The following ARID1B variants were observed in gnomAD, a reference collection of about 807,000 sequenced individuals.
ARID1B encodes the protein AT-rich interaction domain 1B.
A neutral mutation model predicts 212.3 loss-of-function variants in ARID1B; 30 were observed. That is an observed-to-expected ratio of 0.14 (90% CI 0.11 to 0.19). ARID1B has a LOEUF of 0.19. ARID1B is among the 10% of genes least tolerant of loss of function. The probability of loss-of-function intolerance (pLI) is 1.00; values close to 1 mark genes in which losing one functional copy is unlikely to be tolerated. For synonymous variants in ARID1B, 1,402 were observed against 1,301.7 expected, an observed-to-expected ratio of 1.08 and a Z score of -1.66; for missense variants, 2,891 against 3,204.0, an observed-to-expected ratio of 0.90 and a Z score of 2.36.
intron 4 of ARID1B, among the ~76,000 whole-genome samples, chr6:157,076,822 G>C (rs561974590): frequency 3.0e-4 from 46 of 152,310 alleles, no homozygotes; most frequent in Non-Finnish European, 6.2e-4. Flanking sequence ...ACCTGGCAAT[G>C]ATGTTTGGGA....
chr6:157,086,629 T>C (rs1296739770), intron 5 of ARID1B, among the ~76,000 whole-genome samples: 1 of 152,262 alleles, frequency 6.6e-6, no homozygotes, highest in African/African-American at 2.4e-5. Context: ...CTGAAGACTT[T>C]CCACATGTCT....
chr6:157,071,012 G>A (rs1328955761), intron 4 of ARID1B, among the ~76,000 whole-genome samples: 1 of 152,210 alleles, frequency 6.6e-6, no homozygotes, highest in Non-Finnish European at 1.5e-5. Flanking sequence ...GCAGCTCGGA[G>A]CAGATTGCTG....
intron 4 of ARID1B, among the ~76,000 whole-genome samples, chr6:156,992,989 A>G (rs930183802): frequency 6.6e-6 from 1 of 151,858 alleles, no homozygotes; most frequent in Non-Finnish European, 1.5e-5. Flanking sequence ...TTCTGTAGGG[A>G]GCTGAATGTT....
At chr6:156,811,862 C>T (rs1781573952) in intron 1 of ARID1B, among the ~76,000 whole-genome samples, 1 of 152,160 alleles carries the variant, frequency 6.6e-6, no homozygotes, top group South Asian at 2.1e-4. Context: ...CTGCTTATCT[C>T]AAGGGATATC....
chr6:157,171,311 C>G (rs572753411), intron 9 of ARID1B, among the ~76,000 whole-genome samples: 61 of 152,310 alleles, frequency 4.0e-4, no homozygotes, highest in African/African-American at 1.3e-3. Flanking sequence ...TTTACTGCCC[C>G]TTTTTATGTC....
intron 1 of ARID1B, among the ~76,000 whole-genome samples, chr6:156,794,043 T>A (rs1435349516): frequency 1.3e-5 from 2 of 152,182 alleles, no homozygotes; most frequent in Non-Finnish European, 2.9e-5. Flanking sequence ...TCCACTAAAC[T>A]AGTGGTTTTC....
intron 19 of ARID1B, chr6:157,205,871 A>C: frequency 3.0e-6 from 1 of 334,616 alleles, no homozygotes; most frequent in Non-Finnish European, 5.6e-6. Flanking sequence ...GCACTCCCTC[A>C]GTGATAAGAT....
At chr6:156,800,460 G>T (rs1780695570) in intron 1 of ARID1B, among the ~76,000 whole-genome samples, 1 of 152,028 alleles carries the variant, frequency 6.6e-6, no homozygotes, top group Non-Finnish European at 1.5e-5. Context: ...TTGGTGGCAG[G>T]CACCTGTAAT....
At position 157,154,566 on chromosome 6, in the gene ARID1B, CTGTTTTTTTTTT is replaced by C. The variant is rs1275632394; in HGVS notation, c.3089+5629_3089+5640del. Among the ~76,000 whole-genome samples the C allele has an allele frequency of 3.2e-3, 428 of 135,182 alleles. 3 individuals carry two copies. Among genetic ancestry groups the C allele is most frequent in the Non-Finnish European group, 5.3e-3 (341 of 64,754 alleles). 88.7% of individuals were successfully genotyped at this position (135,182 alleles called of 152,430 possible). On this transcript the variant is annotated intron_variant, in intron 8 of 19. Coordinates refer to ENST00000636930, the MANE Select transcript of ARID1B (RefSeq NM_001374828.1). ...CTGGTCCTGTTGTTGTTCTGCTCTT[CTGTTTTTTTTTT>C]TGTTTTTTTTTTTTTTTTTTGAGTT...
At chr6:156,890,716 T>C (rs1787860506) in intron 2 of ARID1B, among the ~76,000 whole-genome samples, 1 of 152,356 alleles carries the variant, frequency 6.6e-6, no homozygotes, top group South Asian at 2.1e-4. Context: ...TGCCAACTTC[T>C]TTCTCATCCC....
At chr6:157,033,624 T>C (rs1781144399) in intron 4 of ARID1B, among the ~76,000 whole-genome samples, 1 of 152,150 alleles carries the variant, frequency 6.6e-6, no homozygotes, top group Non-Finnish European at 1.5e-5. Flanking sequence ...TTATTTTTGG[T>C]GGAGGTGGGC....
Position 156,777,379 on chromosome 6 carries a change from A to T in ARID1B, c.-302A>T, listed in dbSNP as rs1778684973. 6.6e-6 allele frequency: 1 copy of T among 151,482 alleles called. No individual in the cohort carries two copies. The highest frequency in any genetic ancestry group is 2.1e-4 in the South Asian group (1 of 4,834). The allele number at this position is 151,482 out of a possible 1,614,324, so 9.4% of individuals were successfully genotyped here. A position where few individuals can be genotyped will look rare whatever the true frequency, so the allele number is the denominator to read the frequency against. Reference sequence around the variant, plus strand: ...GCTCGAGCTCGCCCGCTGCCTCTCAAGCCATGCTGGGCCCGATAGGCTCAG... The same window carrying T: ...GCTCGAGCTCGCCCGCTGCCTCTCATGCCATGCTGGGCCCGATAGGCTCAG... On this transcript the variant is annotated 5_prime_UTR_variant, in exon 1 of 20. The change creates a new upstream start codon in the 5' untranslated region. Transcript: ENST00000636930.
intron 4 of ARID1B, among the ~76,000 whole-genome samples, chr6:156,974,385 C>T (rs1347025714): frequency 1.3e-5 from 2 of 152,100 alleles, no homozygotes; most frequent in African/African-American, 4.8e-5. Context: ...ATTTAAAACA[C>T]ATTGAATGAT....
chr6:157,037,194 G>A (rs558000305), intron 4 of ARID1B, among the ~76,000 whole-genome samples: 2 of 152,344 alleles, frequency 1.3e-5, no homozygotes, highest in South Asian at 4.1e-4. Context: ...CTACTGAAAT[G>A]TAAGATGTTA....
intron 3 of ARID1B, among the ~76,000 whole-genome samples, chr6:156,906,063 A>G (rs1789349796): frequency 6.6e-6 from 1 of 152,158 alleles, no homozygotes; most frequent in African/African-American, 2.4e-5. Flanking sequence ...GAGGAGCCCC[A>G]GGAGCACTGT....
intron 4 of ARID1B, among the ~76,000 whole-genome samples, chr6:156,958,741 T>C (rs1187906085): frequency 6.6e-6 from 1 of 151,044 alleles, no homozygotes; most frequent in Non-Finnish European, 1.5e-5. Flanking sequence ...TTTGGAAAAG[T>C]CAGTAATCTG....
intron 1 of ARID1B, 39 bp downstream of exon 1, chr6:156,779,510 G>T (rs757061915): frequency 7.9e-7 from 1 of 1,270,034 alleles, no homozygotes; most frequent in Non-Finnish European, 9.9e-7. Context: ...CCGCCCGGCG[G>T]CCTCGCCGCG....
At chr6:156,869,014 T>C (rs892990118) in intron 2 of ARID1B, among the ~76,000 whole-genome samples, 2 of 152,220 alleles carry the variant, frequency 1.3e-5, no homozygotes, top group Non-Finnish European at 2.9e-5. Flanking sequence ...TGATGATTTG[T>C]AAAACATTTC....
intron 1 of ARID1B, among the ~76,000 whole-genome samples, chr6:156,822,882 G>A (rs1782458070): frequency 6.6e-6 from 1 of 152,162 alleles, no homozygotes; most frequent in African/African-American, 2.4e-5. Flanking sequence ...AGACGGCCGT[G>A]TTGCATCCAC....
Sources: allele counts gnomAD v4.1 joint callset (sites outside exome capture counted in the v4.1 genomes callset), GRCh38; gene constraint gnomAD v4.1.1; transcripts MANE v1.5; gene names NCBI Gene and HGNC (gene_info 2026-07-23, HGNC 2026-07-21).